The following CERCAM variants were observed in gnomAD, a reference collection of about 807,000 sequenced individuals.
The protein encoded by CERCAM is cerebral endothelial cell adhesion molecule.
CERCAM carries 59 observed loss-of-function variants against 66.0 expected under a neutral mutation model. That is an observed-to-expected ratio of 0.89 (90% CI 0.73 to 1.11). The LOEUF is 1.11. Among genes scored for constraint, CERCAM ranks in the 50% most tolerant of loss-of-function variants. CERCAM has a pLI of 0.00. For synonymous variants in CERCAM, 318 were observed against 343.6 expected, an observed-to-expected ratio of 0.93 and a Z score of 0.83; for missense variants, 840 against 828.3, an observed-to-expected ratio of 1.01 and a Z score of -0.17.
At position 128,424,068 on chromosome 9, in the gene CERCAM, C is replaced by T. The variant is rs1833777404; in HGVS notation, c.427-70C>T. The T allele has an allele frequency of 4.5e-6, 7 of 1,549,740 alleles. No homozygotes were observed. The South Asian group carries it at 7.3e-5, about 16-fold the overall frequency. On this transcript the variant is annotated intron_variant, in intron 3 of 12. Coordinates refer to ENST00000372838, the MANE Select transcript of CERCAM (RefSeq NM_016174.5). ...GAGCCACGCTGGGTCTCTGGCAGGA[C>T]CACTCAGTGAACTCCTTGGGGGGCT...
intron 12 of CERCAM, 92 bp downstream of exon 12, chr9:128,435,997 T>C (rs916135944): frequency 4.0e-6 from 5 of 1,253,014 alleles, no homozygotes; most frequent in Non-Finnish European, 5.4e-6. Flanking sequence ...TGTTTTCCCC[T>C]TCTCAGCCTT....
At chr9:128,426,111 C>A (rs925401056) in intron 5 of CERCAM, among the ~76,000 whole-genome samples, 1 of 151,994 alleles carries the variant, frequency 6.6e-6, no homozygotes, top group Non-Finnish European at 1.5e-5. Flanking sequence ...GCTGCGAGAT[C>A]CCATCTCTAC....
chr9:128,425,149 C>T (rs1250146960), intron 5 of CERCAM, among the ~76,000 whole-genome samples: 7 of 151,564 alleles, frequency 4.6e-5, no homozygotes, highest in Non-Finnish European at 8.8e-5. Flanking sequence ...CTCCGCCTCC[C>T]GGGTTCAAGC....
intron 3 of CERCAM, 114 bp from the exon 4 acceptor site, chr9:128,424,024 C>G: frequency 8.5e-7 from 1 of 1,182,616 alleles, no homozygotes; most frequent in Non-Finnish European, 1.2e-6. Context: ...TCTGTAAGAG[C>G]ATTCCCACTG....
chr9:128,429,998 C>A (rs1160528941), intron 8 of CERCAM, among the ~76,000 whole-genome samples: 1 of 152,048 alleles, frequency 6.6e-6, no homozygotes, highest in Non-Finnish European at 1.5e-5. Flanking sequence ...GAGATAGGGT[C>A]TCACTCTGTT....
intron 1 of CERCAM, chr9:128,421,564 G>GCCC: frequency 1.0e-6 from 1 of 972,188 alleles, no homozygotes; most frequent in East Asian, 1.1e-4. Flanking sequence ...AGTCAGACCG[G>GCCC]CCCCCCCACC....
Position 128,428,920 on chromosome 9 carries a change from C to T in CERCAM, c.964-10C>T. 6.2e-7 allele frequency: 1 copy of T among 1,607,416 alleles called. No homozygotes were observed. The highest frequency in any genetic ancestry group is 8.5e-7 in the Non-Finnish European group (1 of 1,176,564). The stretch of plus-strand genomic sequence containing the variant: ...CTTGCACTTACCGCCCACCCCCCTG[C>T]CTCCTCCAGGTCTTTGTCATCAGCC... On this transcript the variant is annotated splice_polypyrimidine_tract_variant and intron_variant, in intron 7 of 12. Coordinates refer to ENST00000372838, the MANE Select transcript of CERCAM (RefSeq NM_016174.5).
At position 128,434,502 on chromosome 9, in the gene CERCAM, T is replaced by A. The variant is rs1305055316; in HGVS notation, c.1424T>A (p.Leu475Gln). The A allele has an allele frequency of 1.9e-6, 3 of 1,613,700 alleles. No homozygotes were observed. ...GTGGCTGGGTACTCCTACTGGACGC[T>A]GGCCTATGCCCTGCGTCTGGCGGGT... ...LVVAGYSYWT[L>Q]AYALRLAGAR... The change falls in exon 11 of 13, where the codon CTG (leucine) becomes CAG (glutamine). Residue 475 changes from leucine to glutamine, a missense_variant. By Grantham distance (113) the Leu-to-Gln change is moderately radical (BLOSUM62 -2). Transcript: ENST00000372838. This position sits in a 1 kb window ranked among gnomAD's most constrained non-coding sequence, Gnocchi z 4.5.
Position 128,429,040 on chromosome 9 carries a change from AG to A in CERCAM, c.1070+5del, listed in dbSNP as rs998605782. On this transcript the variant is annotated splice_donor_5th_base_variant and intron_variant, in intron 8 of 12. Transcript: ENST00000372838. ...TGGTGGACGCTGTGGATGGCTGGTGAGCCTGCCTGGTGGGGGGGGCCCTGTG... is the reference window on the plus strand; with the variant it reads ...TGGTGGACGCTGTGGATGGCTGGTGACCTGCCTGGTGGGGGGGGCCCTGTG... The A allele has an allele frequency of 6.3e-7, 1 of 1,593,130 alleles. No homozygotes were observed. Among genetic ancestry groups the A allele is most frequent in the Non-Finnish European group, 8.5e-7 (1 of 1,170,492 alleles).
At chr9:128,428,857 C>G (rs779386778) in intron 7 of CERCAM, 24 bp downstream of exon 7, 4 of 1,612,654 alleles carry the variant, frequency 2.5e-6, no homozygotes, top group Non-Finnish European at 2.5e-6. Flanking sequence ...CCTGTGGGCT[C>G]GCTGTTAGGA....
At position 128,422,567 on chromosome 9, in the gene CERCAM, C is replaced by A. The variant is rs150142504; in HGVS notation, c.198-301C>A. The A allele has an allele frequency of 7.4e-3, 2,197 of 296,976 alleles. 13 individuals carry two copies. Among genetic ancestry groups the A allele is most frequent in the Non-Finnish European group, 0.012 (1,811 of 156,334 alleles). 18.4% of individuals were successfully genotyped at this position (296,976 alleles called of 1,614,324 possible). A position where few individuals can be genotyped will look rare whatever the true frequency, so the allele number is the denominator to read the frequency against. On this transcript the variant is annotated intron_variant, in intron 1 of 12. Coordinates refer to ENST00000372838, the MANE Select transcript of CERCAM (RefSeq NM_016174.5). ...TGGGCGACAGAGCAAGATTCCATCT[C>A]AAAAAAAATGCATTATTCTTCTCTT...
At chr9:128,429,790 A>T (rs1303180481) in intron 8 of CERCAM, among the ~76,000 whole-genome samples, 2 of 141,630 alleles carry the variant, frequency 1.4e-5, no homozygotes, top group Non-Finnish European at 3.1e-5. Flanking sequence ...ATTAAAAAGA[A>T]TTTTTTTTTT....
intron 5 of CERCAM, among the ~76,000 whole-genome samples, chr9:128,426,004 C>T (rs183262650): frequency 4.8e-4 from 73 of 151,778 alleles, no homozygotes; most frequent in African/African-American, 1.4e-3. Flanking sequence ...GGGGTTTTGC[C>T]GTGTTGCCCA....
chr9:128,436,046 G>A, intron 12 of CERCAM, 141 bp downstream of exon 12: 4 of 981,630 alleles, frequency 4.1e-6, no homozygotes, highest in South Asian at 3.5e-5. Context: ...CTTTATGTTT[G>A]TTGTTGTTGT....
chr9:128,424,870 C>T (rs1456098495), intron 5 of CERCAM, among the ~76,000 whole-genome samples: 4 of 151,094 alleles, frequency 2.6e-5, no homozygotes, highest in Admixed American at 1.3e-4. Context: ...TACAGGCACC[C>T]GCCACCACAC....
At chr9:128,430,180 C>T (rs952501679) in intron 8 of CERCAM, among the ~76,000 whole-genome samples, 1 of 152,102 alleles carries the variant, frequency 6.6e-6, no homozygotes, top group Non-Finnish European at 1.5e-5. Flanking sequence ...GATGGATCAC[C>T]TGAGGTCAGG....
At chr9:128,421,243 C>T (rs1464965142) in intron 1 of CERCAM, 169 bp downstream of exon 1, 3 of 1,235,690 alleles carry the variant, frequency 2.4e-6, no homozygotes, top group Non-Finnish European at 3.0e-6. Context: ...GGACCCCGAG[C>T]CCCCTGCTGG....
chr9:128,421,124 G>C, intron 1 of CERCAM, 50 bp downstream of exon 1: 1 of 1,265,976 alleles, frequency 7.9e-7, no homozygotes, highest in Non-Finnish European at 9.9e-7. Context: ...CCCCAGCTTC[G>C]CAGATGGCCC....
intron 3 of CERCAM, 182 bp from the exon 4 acceptor site, chr9:128,423,956 G>A (rs1833774520): frequency 1.5e-6 from 1 of 668,126 alleles, no homozygotes. Flanking sequence ...CAGTCCCTGA[G>A]TCAGTGCCCC....
Sources: gnomAD v4.1 joint callset for allele counts (sites outside exome capture counted in the v4.1 genomes callset) on GRCh38, gnomAD v4.1.1 for gene constraint, Gnocchi (gnomAD v3.1) non-coding constraint, MANE v1.5 for transcripts, NCBI Gene and HGNC (gene_info 2026-07-23, HGNC 2026-07-21) for gene names.